SLC7A2: variants seen among roughly 807,000 people sequenced by gnomAD.
The protein encoded by SLC7A2 is cationic amino acid transporter 2.
Under a neutral mutation model 58.9 loss-of-function variants are expected in SLC7A2, and 48 were observed. The ratio of observed to expected loss-of-function variants is 0.82; its 90% confidence interval spans 0.65 to 1.04. The LOEUF (loss-of-function observed/expected upper bound fraction) is 1.04. SLC7A2 is among the 50% of genes least tolerant of loss of function. The probability of loss-of-function intolerance (pLI) is 0.00; values close to 1 mark genes in which losing one functional copy is unlikely to be tolerated. For missense variants in SLC7A2, 1,029 were observed against 818.8 expected, an observed-to-expected ratio of 1.26 and a Z score of -3.13; for synonymous variants, 363 against 314.5, an observed-to-expected ratio of 1.15 and a Z score of -1.63.
At chr8:17,507,983 A>G (rs1272163745) in intron 2 of SLC7A2, among the ~76,000 whole-genome samples, 2 of 152,216 alleles carry the variant, frequency 1.3e-5, no homozygotes, top group Non-Finnish European at 2.9e-5. Context: ...GGGAAAATAT[A>G]GTCTTAATCT....
At chr8:17,537,328 AG>A (rs1801712220) in intron 2 of SLC7A2, among the ~76,000 whole-genome samples, 1 of 152,180 alleles carries the variant, frequency 6.6e-6, no homozygotes, top group Admixed American at 6.5e-5. Flanking sequence ...CTGGGATTAC[AG>A]GCATGAGCCA....
At chr8:17,506,012 A>G (rs1259059722) in intron 2 of SLC7A2, among the ~76,000 whole-genome samples, 2 of 152,250 alleles carry the variant, frequency 1.3e-5, no homozygotes, top group Admixed American at 1.3e-4. Context: ...GCTACTGAAA[A>G]ATTATCTCTT....
intron 2 of SLC7A2, among the ~76,000 whole-genome samples, chr8:17,536,246 A>G (rs143485488): frequency 6.6e-6 from 1 of 152,204 alleles, no homozygotes; most frequent in Non-Finnish European, 1.5e-5. Flanking sequence ...GATAATCCAG[A>G]TTGGTTGTAT....
At chr8:17,518,962 A>G (rs1304135264) in intron 2 of SLC7A2, among the ~76,000 whole-genome samples, 2 of 152,098 alleles carry the variant, frequency 1.3e-5, no homozygotes, top group African/African-American at 4.8e-5. Context: ...CTGTGTCCTC[A>G]GTTGGTAGAG....
rs551044104 is a variant in SLC7A2, at chr8:17,566,251, T to A, written c.*1105T>A. 6.6e-6 allele frequency: 1 copy of A among 152,322 alleles called. No individual in the cohort carries two copies. The highest frequency in any genetic ancestry group is 2.1e-4 in the South Asian group (1 of 4,824). 9.4% of individuals were successfully genotyped at this position (152,322 alleles called of 1,614,324 possible). A position where few individuals can be genotyped will look rare whatever the true frequency, so the allele number is the denominator to read the frequency against. On this transcript the variant is annotated 3_prime_UTR_variant, in exon 13 of 13. Transcript: ENST00000494857. ...GTTCACTTCTTTGTTTCTCTGTTTC[T>A]TTTGTCTTGTCTTAGAGATGAGGGG...
In SLC7A2 at chr8:17,560,494, C is replaced by A. The variant is rs1431548094; in HGVS notation, c.1465C>A (p.Gln489Lys). The A allele has an allele frequency of 6.2e-7, 1 of 1,613,826 alleles. No homozygotes were observed. The highest frequency in any genetic ancestry group is 2.2e-5 in the East Asian group (1 of 44,888). Residue 489 changes from glutamine (Q) to lysine (K), a missense_variant, in exon 10 of 13, where the codon CAG becomes AAG. Physicochemically the swap from Gln to Lys is moderately conservative, Grantham distance 53. Coordinates refer to ENST00000494857, the MANE Select transcript of SLC7A2 (RefSeq NM_001370338.1). ...CTGCCCCTCCCTTCTGCCAACACAG[C>A]AGTCAGCTTCTCTCGTGAGCTTTCT... is the stretch of plus-strand genomic sequence containing the variant. Reference protein sequence around the residue: ...LFCPSLLPTQQSASLVSFLVG... With the variant: ...LFCPSLLPTQKSASLVSFLVG...
intron 2 of SLC7A2, among the ~76,000 whole-genome samples, chr8:17,525,398 CAA>C (rs1226346069): frequency 2.0e-5 from 3 of 152,118 alleles, no homozygotes; most frequent in African/African-American, 7.2e-5. Flanking sequence ...GAATCTGAAA[CAA>C]GAAAGTGGCC....
Position 17,544,622 on chromosome 8 carries a change from A to C in SLC7A2, c.532+16A>C, listed in dbSNP as rs1334880959. On this transcript the variant is annotated intron_variant, in intron 4 of 12. Transcript: ENST00000494857. ...CTTCTAGCAGGTAAGAAAACCAGTTATGAGTCTCTGCAGAATGAGCCACAC... is the reference window on the plus strand; with the variant it reads ...CTTCTAGCAGGTAAGAAAACCAGTTCTGAGTCTCTGCAGAATGAGCCACAC... 6.2e-7 allele frequency: 1 copy of C among 1,611,896 alleles called. No homozygotes were observed. Among genetic ancestry groups the C allele is most frequent in the Non-Finnish European group, 8.5e-7 (1 of 1,178,506 alleles).
intron 7 of SLC7A2, 58 bp from the exon 8 acceptor site, chr8:17,554,501 TC>T: frequency 7.2e-7 from 1 of 1,386,616 alleles, no homozygotes; most frequent in Admixed American, 2.5e-5. Flanking sequence ...TTATTTCCGT[TC>T]GGGGATGTAA....
intron 7 of SLC7A2, among the ~76,000 whole-genome samples, chr8:17,554,157 C>A (rs965099605): frequency 3.3e-5 from 5 of 152,070 alleles, no homozygotes; most frequent in East Asian, 1.9e-4. Context: ...ATTACTTAGT[C>A]TTTTCTTTAA....
intron 2 of SLC7A2, among the ~76,000 whole-genome samples, chr8:17,509,547 C>A (rs1800511981): frequency 6.6e-6 from 1 of 152,102 alleles, no homozygotes; most frequent in African/African-American, 2.4e-5. Flanking sequence ...CTCAAGTAAT[C>A]CACCCGCCTT....
Position 17,543,511 on chromosome 8 carries a change from G to GA in SLC7A2, c.173dup (p.Val59GlyfsTer81). On this transcript the variant is annotated frameshift_variant, in exon 3 of 13. Transcript: ENST00000494857. LOFTEE classifies it high-confidence loss of function. ...GGCCGGGGTTTATGTCCTCGCTGGG[G>GA]AGGTGGCCAAGGCAGACTCGGGCCC... 2 of 1,613,946 alleles carry GA rather than the reference G, an allele frequency of 1.2e-6. No homozygotes were observed. The highest frequency in any genetic ancestry group is 1.7e-6 in the Non-Finnish European group (2 of 1,179,958).
At position 17,554,908 on chromosome 8, in the gene SLC7A2, A is replaced by C. The variant is rs776893520; in HGVS notation, c.1195+209A>C. 13 of 1,610,110 alleles carry C rather than the reference A, an allele frequency of 8.1e-6. No homozygotes were observed. The South Asian group carries it at 1.4e-4, about 18-fold the overall frequency. On this transcript the variant is annotated intron_variant, in intron 8 of 12. Coordinates refer to ENST00000494857, the MANE Select transcript of SLC7A2 (RefSeq NM_001370338.1). ...TATACCTGTCTAGAATAATCCTTAA[A>C]ATAACTCATGTGTGGATTTTGAATT...
chr8:17,512,973 C>T (rs1056628227), intron 2 of SLC7A2, among the ~76,000 whole-genome samples: 3 of 152,196 alleles, frequency 2.0e-5, no homozygotes, highest in African/African-American at 7.2e-5. Context: ...GAATTTCCGT[C>T]TATTTTAAGG....
chr8:17,516,196 C>A (rs1029756077), intron 2 of SLC7A2, among the ~76,000 whole-genome samples: 1 of 150,524 alleles, frequency 6.6e-6, no homozygotes, highest in Non-Finnish European at 1.5e-5. Flanking sequence ...AGTTCTATAA[C>A]TGTTTTATTT....
At chr8:17,554,416 AT>A in intron 7 of SLC7A2, 143 bp from the exon 8 acceptor site, 1 of 631,924 alleles carries the variant, frequency 1.6e-6, no homozygotes, top group Non-Finnish European at 2.4e-6. Context: ...CATTTAAAAA[AT>A]AATGACATAA....
chr8:17,544,183 A>G (rs1216295278), intron 3 of SLC7A2, among the ~76,000 whole-genome samples: 2 of 152,156 alleles, frequency 1.3e-5, no homozygotes, highest in Non-Finnish European at 2.9e-5. Flanking sequence ...AAATTCTGTG[A>G]TTTTTGCTTC....
At chr8:17,549,220 A>G (rs563974878) in intron 5 of SLC7A2, among the ~76,000 whole-genome samples, 119 of 152,288 alleles carry the variant, frequency 7.8e-4, no homozygotes, top group Non-Finnish European at 1.2e-3. Flanking sequence ...GGGAGCCACA[A>G]TCCAAGATGA....
At chr8:17,541,011 G>T (rs772308467) in intron 2 of SLC7A2, among the ~76,000 whole-genome samples, 1 of 152,144 alleles carries the variant, frequency 6.6e-6, no homozygotes, top group Non-Finnish European at 1.5e-5. Context: ...ATGTTTATCA[G>T]TTGTGTTCCC....
Sources: gnomAD v4.1 joint callset for allele counts (sites outside exome capture counted in the v4.1 genomes callset) on GRCh38, gnomAD v4.1.1 for gene constraint, MANE v1.5 for transcripts, NCBI Gene and HGNC (gene_info 2026-07-23, HGNC 2026-07-21) for gene names.